The following PCDHGB3 variants were observed in gnomAD, a reference collection of about 807,000 sequenced individuals.
PCDHGB3 encodes the protein protocadherin gamma-B3.
A neutral mutation model predicts 59.2 loss-of-function variants in PCDHGB3; 40 were observed. That is an observed-to-expected ratio of 0.68 (90% CI 0.52 to 0.88). The LOEUF is 0.88. Ranked by LOEUF, PCDHGB3 falls within the 40% of genes least tolerant of loss-of-function variation. PCDHGB3 has a pLI of 0.00. For missense variants in PCDHGB3, 1,309 were observed against 1,187.9 expected (o/e 1.10, Z -1.50); for synonymous variants, 581 against 503.6 (o/e 1.15, Z -2.06).
At chr5:141,389,197 T>C (rs2091642576) in intron 1 of PCDHGB3, 1 of 1,614,010 alleles carries the variant, frequency 6.2e-7, no homozygotes, top group East Asian at 2.2e-5. Context: ...AGCATCACCC[T>C]GCACATTGGT....
intron 1 of PCDHGB3, chr5:141,415,949 C>T (rs369226000): frequency 6.5e-4 from 320 of 496,036 alleles, no homozygotes; most frequent in African/African-American, 5.9e-3. Context: ...TGGGTGGTCA[C>T]ATATTGAAAC....
intron 1 of PCDHGB3, among the ~76,000 whole-genome samples, chr5:141,479,138 T>G (rs1469363480): frequency 6.6e-6 from 1 of 152,232 alleles, no homozygotes; most frequent in Non-Finnish European, 1.5e-5. Flanking sequence ...GCACCCTGCT[T>G]ACAAAATATT....
At chr5:141,474,398 C>A (rs1381347745) in intron 1 of PCDHGB3, among the ~76,000 whole-genome samples, 3 of 152,212 alleles carry the variant, frequency 2.0e-5, no homozygotes, top group Non-Finnish European at 4.4e-5. Context: ...TTCTAACAAG[C>A]TCCCCGGTGA....
intron 1 of PCDHGB3, among the ~76,000 whole-genome samples, chr5:141,455,410 G>A (rs1332059386): frequency 6.6e-6 from 1 of 152,130 alleles, no homozygotes; most frequent in Non-Finnish European, 1.5e-5. Context: ...CAGAGACAGA[G>A]GGAGCGGGGC....
At chr5:141,499,029 A>AAGGAAGGAAGGAAGG (rs1562187768) in intron 2 of PCDHGB3, among the ~76,000 whole-genome samples, 10 of 139,968 alleles carry the variant, frequency 7.1e-5, no homozygotes, top group African/African-American at 2.8e-4. Context: ...AGGAAGGAAG[A>AAGGAAGGAAGGAAGG]AAAGAAAGAA....
At chr5:141,495,974 CTCTT>C (rs1562171251) in intron 2 of PCDHGB3, among the ~76,000 whole-genome samples, 2 of 152,032 alleles carry the variant, frequency 1.3e-5, no homozygotes, top group Non-Finnish European at 1.5e-5. Context: ...TTCTCTGTTA[CTCTT>C]TCTTTATCTC....
rs185704620 is a variant in PCDHGB3, at chr5:141,396,920, C to T, written c.2415+24111C>T. Among the ~76,000 whole-genome samples the T allele has an allele frequency of 3.3e-5, 5 of 152,316 alleles. No individual in the cohort carries two copies. In the East Asian group the frequency reaches 7.7e-4, roughly 23 times the overall value. ...TATTGGCACTTTGCAATTTTAAAAACTCGGATGAAAGTTGCCCTGGTAGGA... is the reference window on the plus strand; with the variant it reads ...TATTGGCACTTTGCAATTTTAAAAATTCGGATGAAAGTTGCCCTGGTAGGA... On this transcript the variant is annotated intron_variant, in intron 1 of 3. Transcript: ENST00000576222.
intron 1 of PCDHGB3, chr5:141,478,188 C>T (rs770414950): frequency 4.3e-6 from 7 of 1,613,920 alleles, no homozygotes; most frequent in Non-Finnish European, 5.9e-6. Flanking sequence ...AAAAATCTCA[C>T]CTTTTATCTA....
rs368884524 is a variant in PCDHGB3 at position 141,409,933 on chromosome 5, G to A, written c.2415+37124G>A. On this transcript the variant is annotated intron_variant, in intron 1 of 3. Coordinates refer to ENST00000576222, the MANE Select transcript of PCDHGB3 (RefSeq NM_018924.5). ...CTGACGGCTCCGCGTTCTTCGATAT[G>A]GTACCTCGCTCTGCAGAGCCCGGCT... 50 of 1,613,236 alleles carry A rather than the reference G, an allele frequency of 3.1e-5. No homozygotes were observed. The highest frequency in any genetic ancestry group is 4.1e-5 in the Non-Finnish European group (48 of 1,179,790).
chr5:141,510,280 A>G (rs1218058358), intron 3 of PCDHGB3, among the ~76,000 whole-genome samples: 1 of 151,892 alleles, frequency 6.6e-6, no homozygotes, highest in Non-Finnish European at 1.5e-5. Context: ...CTTAAAAAAA[A>G]AAAAAAAAAA....
chr5:141,399,043 G>T lies in PCDHGB3; in HGVS notation c.2415+26234G>T, dbSNP rs545668357. The T allele has an allele frequency of 3.0e-5, 48 of 1,613,890 alleles. No homozygotes were observed. The South Asian group carries it at 4.9e-4, about 17-fold the overall frequency. ...TACCACTCAAAAGAAACTGGATTTTGAAGAGACCAAGGAATATTCAATGGT... is the reference window on the plus strand; with the variant it reads ...TACCACTCAAAAGAAACTGGATTTTTAAGAGACCAAGGAATATTCAATGGT... On this transcript the variant is annotated intron_variant, in intron 1 of 3. Transcript: ENST00000576222.
chr5:141,498,971 GGGAAGGAAGGAAGGAAGGAAGGAAGGAA>G (rs201769957), intron 2 of PCDHGB3, among the ~76,000 whole-genome samples: 8 of 111,052 alleles, frequency 7.2e-5, no homozygotes, highest in South Asian at 3.8e-4. Flanking sequence ...GAGGGAGGGA[GGGAAGGAAGGAAGGAAGGAAGGAAGGAA>G]GGAAGGAAGG....
intron 1 of PCDHGB3, chr5:141,375,967 G>A (rs200712802): frequency 2.6e-5 from 42 of 1,613,250 alleles, no homozygotes; most frequent in Non-Finnish European, 3.5e-5. Flanking sequence ...AGGTGCGCAC[G>A]GCGCGCGCCC....
intron 1 of PCDHGB3, chr5:141,374,063 G>A (rs1770069063): frequency 6.7e-7 from 1 of 1,495,954 alleles, no homozygotes; most frequent in South Asian, 1.4e-5. Context: ...TAATCCCAGA[G>A]AAGTTCCTAA....
At chr5:141,420,391 G>C in intron 1 of PCDHGB3, 1 of 1,270,636 alleles carries the variant, frequency 7.9e-7, no homozygotes, top group Non-Finnish European at 1.0e-6. Flanking sequence ...GCAAAATATA[G>C]GTCAAATTTA....
chr5:141,400,245 C>G (rs778709619), intron 1 of PCDHGB3: 32 of 1,613,998 alleles, frequency 2.0e-5, no homozygotes, highest in Non-Finnish European at 2.5e-5. Flanking sequence ...TGATTCTGGC[C>G]GTTGCCTTGC....
intron 1 of PCDHGB3, chr5:141,403,617 G>A (rs369607013): frequency 1.8e-4 from 288 of 1,613,738 alleles, no homozygotes; most frequent in East Asian, 1.0e-3. Context: ...GAGCCGCGTC[G>A]CTCCAGCACA....
chr5:141,457,386 A>G lies in PCDHGB3; in HGVS notation c.2416-37421A>G, dbSNP rs1303460358. Reference sequence around the variant, plus strand: ...TGCAAAATAATTGCCCAGAACTAGCATATTGATTCACATTTTCACATTACC... The same window carrying G: ...TGCAAAATAATTGCCCAGAACTAGCGTATTGATTCACATTTTCACATTACC... On this transcript the variant is annotated intron_variant, in intron 1 of 3. Transcript: ENST00000576222. Among the ~76,000 whole-genome samples the G allele has an allele frequency of 5.3e-5, 8 of 152,210 alleles. No homozygotes were observed. The East Asian group carries it at 1.3e-3, about 26-fold the overall frequency.
Position 141,370,608 on chromosome 5 carries a change from A to G in PCDHGB3, c.214A>G (p.Lys72Glu). The change falls in exon 1 of 4, where the codon AAG (lysine) becomes GAG (glutamate). Residue 72 changes from lysine to glutamate, a missense_variant. Lys to Glu is a moderately conservative substitution (Grantham distance 56). Transcript: ENST00000576222. Reference sequence around the variant, plus strand: ...TAGGAACCTGCGGGTTATTGCAGAGAAGAAATTCTTTACCGTGAGCCCCGA... The same window carrying G: ...TAGGAACCTGCGGGTTATTGCAGAGGAGAAATTCTTTACCGTGAGCCCCGA... ...PTRNLRVIAEKKFFTVSPENG... is the reference protein window; with the variant it reads ...PTRNLRVIAEEKFFTVSPENG... 1 of 1,613,954 alleles carries G rather than the reference A, an allele frequency of 6.2e-7. No individual in the cohort carries two copies. Among genetic ancestry groups the G allele is most frequent in the Non-Finnish European group, 8.5e-7 (1 of 1,179,884 alleles).
Sources: allele counts gnomAD v4.1 joint callset (sites outside exome capture counted in the v4.1 genomes callset), GRCh38; gene constraint gnomAD v4.1.1; transcripts MANE v1.5; gene names NCBI Gene and HGNC (gene_info 2026-07-23, HGNC 2026-07-21).